The following DLG2 variants were observed in gnomAD, a reference collection of about 807,000 sequenced individuals.
DLG2 encodes the protein disks large homolog 2.
Under a neutral mutation model 132.5 loss-of-function variants are expected in DLG2, and 45 were observed. The ratio of observed to expected loss-of-function variants is 0.34; its 90% CI spans 0.27 to 0.44. DLG2 has a LOEUF of 0.44. DLG2 is among the 20% of genes least tolerant of loss of function. The probability of loss-of-function intolerance (pLI) is 1.00; values close to 1 mark genes in which losing one functional copy is unlikely to be tolerated. For synonymous variants in DLG2, 424 were observed against 419.6 expected, an observed-to-expected ratio of 1.01 and a Z score of -0.13; for missense variants, 1,045 against 1,196.9, an observed-to-expected ratio of 0.87 and a Z score of 1.87.
At chr11:83,967,357 G>A (rs146626210) in intron 12 of DLG2, among the ~76,000 whole-genome samples, 187 of 152,142 alleles carry the variant, frequency 1.2e-3, no homozygotes, top group Admixed American at 2.6e-3. Context: ...AATCAATAGT[G>A]TACAAGTGCT....
At chr11:84,027,015 G>A (rs915095417) in intron 11 of DLG2, among the ~76,000 whole-genome samples, 2 of 151,804 alleles carry the variant, frequency 1.3e-5, no homozygotes, top group Admixed American at 6.6e-5. Flanking sequence ...TTCAAATCAA[G>A]TGTCAATGGG....
intron 3 of DLG2, among the ~76,000 whole-genome samples, chr11:85,440,930 G>A (rs955554701): frequency 2.0e-5 from 3 of 152,198 alleles, no homozygotes; most frequent in Non-Finnish European, 4.4e-5. Context: ...CTTCCTCTGA[G>A]AAGCATGGTG....
intron 6 of DLG2, among the ~76,000 whole-genome samples, chr11:84,985,846 G>C (rs1295983868): frequency 6.6e-6 from 1 of 151,796 alleles, no homozygotes; most frequent in Non-Finnish European, 1.5e-5. Context: ...ACAAAAATTA[G>C]CAGGGCATGA....
At chr11:85,268,581 C>A (rs2077352475) in intron 4 of DLG2, among the ~76,000 whole-genome samples, 1 of 152,162 alleles carries the variant, frequency 6.6e-6, no homozygotes. Flanking sequence ...TTAAGCGAGA[C>A]TCATCTCAAA....
chr11:85,475,083 G>T (rs967916122), intron 3 of DLG2, among the ~76,000 whole-genome samples: 1 of 151,526 alleles, frequency 6.6e-6, no homozygotes, highest in Non-Finnish European at 1.5e-5. Flanking sequence ...TAAGAAAAAT[G>T]AAATACATAA....
At chr11:84,614,924 G>A (rs1313921112) in intron 6 of DLG2, among the ~76,000 whole-genome samples, 2 of 152,020 alleles carry the variant, frequency 1.3e-5, no homozygotes, top group East Asian at 1.9e-4. Flanking sequence ...GTAGCTATAT[G>A]AGCCCTGCCA....
At chr11:84,087,975 G>C (rs976230287) in intron 10 of DLG2, among the ~76,000 whole-genome samples, 2 of 152,124 alleles carry the variant, frequency 1.3e-5, no homozygotes, top group African/African-American at 4.8e-5. Flanking sequence ...TTTTTAAATT[G>C]GGTTATCTTC....
Position 84,775,925 on chromosome 11 carries a change from G to A in DLG2, c.358-241194C>T, listed in dbSNP as rs114567467. On this transcript the variant is annotated intron_variant, in intron 6 of 27. Coordinates refer to ENST00000376104, the MANE Select transcript of DLG2 (RefSeq NM_001142699.3). ...ATTATTTTAAAAAGGAATTAGGAAAGGAGTGAGTCCATTTAAAACTTCTGT... is the reference window on the plus strand; with the variant it reads ...ATTATTTTAAAAAGGAATTAGGAAAAGAGTGAGTCCATTTAAAACTTCTGT... Among the ~76,000 whole-genome samples, 1,114 of 152,302 alleles carry A rather than the reference G, an allele frequency of 7.3e-3. 15 individuals carry two copies. Among genetic ancestry groups the A allele is most frequent in the African/African-American group, 0.024 (1,015 of 41,552 alleles).
At chr11:83,589,308 A>G (rs1161614713) in intron 19 of DLG2, among the ~76,000 whole-genome samples, 2 of 148,496 alleles carry the variant, frequency 1.3e-5, no homozygotes, top group Non-Finnish European at 3.0e-5. Context: ...GAAACCCTAC[A>G]AGCCAGAAGA....
At chr11:83,588,559 T>C (rs1385748483) in intron 19 of DLG2, among the ~76,000 whole-genome samples, 1 of 151,540 alleles carries the variant, frequency 6.6e-6, no homozygotes, top group Non-Finnish European at 1.5e-5. Context: ...ACAGAAAAAC[T>C]GGAAACTCTA....
intron 6 of DLG2, among the ~76,000 whole-genome samples, chr11:85,072,826 C>T (rs1447436927): frequency 6.6e-6 from 1 of 151,808 alleles, no homozygotes; most frequent in Non-Finnish European, 1.5e-5. Context: ...ACAAATCTGG[C>T]TATGAAAATT....
chr11:84,317,434 T>C (rs867093307), intron 7 of DLG2: 1 of 1,171,650 alleles, frequency 8.5e-7, no homozygotes, highest in Non-Finnish European at 1.1e-6. Flanking sequence ...TCCACACAGC[T>C]GGGCTACAAG....
chr11:83,527,970 T>A (rs1189936972), intron 21 of DLG2, among the ~76,000 whole-genome samples: 1 of 152,062 alleles, frequency 6.6e-6, no homozygotes, highest in Admixed American at 6.6e-5. Flanking sequence ...AGAAGGACAA[T>A]AAAAGAAATT....
At chr11:84,443,817 C>A (rs1269634285) in intron 7 of DLG2, among the ~76,000 whole-genome samples, 1 of 152,008 alleles carries the variant, frequency 6.6e-6, no homozygotes, top group East Asian at 1.9e-4. Flanking sequence ...ATATCTGTTT[C>A]CAATCTCTGA....
intron 6 of DLG2, among the ~76,000 whole-genome samples, chr11:85,055,042 T>C (rs545849261): frequency 6.5e-4 from 99 of 152,256 alleles, no homozygotes; most frequent in African/African-American, 2.4e-3. Context: ...ACAATCTAAA[T>C]TTGGCAGCAC....
intron 3 of DLG2, among the ~76,000 whole-genome samples, chr11:85,506,624 G>C (rs2093940752): frequency 6.6e-6 from 1 of 152,322 alleles, no homozygotes. Context: ...GCTGAGGAGT[G>C]CTTTACTTCC....
intron 22 of DLG2, among the ~76,000 whole-genome samples, chr11:83,482,552 C>A (rs1469610): frequency 0.62 from 93,537 of 151,904 alleles, 29,268 homozygotes; most frequent in African/African-American, 0.71. Context: ...AATATATTTT[C>A]TTTTTCACTC....
At chr11:84,709,109 A>G (rs192934183) in intron 6 of DLG2, among the ~76,000 whole-genome samples, 1 of 152,002 alleles carries the variant, frequency 6.6e-6, no homozygotes, top group East Asian at 1.9e-4. Context: ...AAGTGAGATA[A>G]TGGGGATGGG....
chr11:83,940,431 T>C (rs1281914902), intron 14 of DLG2, among the ~76,000 whole-genome samples: 1 of 152,332 alleles, frequency 6.6e-6, no homozygotes, highest in East Asian at 1.9e-4. Flanking sequence ...ATATGCTTTA[T>C]ATACCCGATG....
Sources: gnomAD v4.1 joint callset for allele counts (sites outside exome capture counted in the v4.1 genomes callset) on GRCh38, gnomAD v4.1.1 for gene constraint, MANE v1.5 for transcripts, NCBI Gene and HGNC (gene_info 2026-07-23, HGNC 2026-07-21) for gene names.